Variants in ANO2 observed in about 807,000 individuals in gnomAD.
ANO2 encodes anoctamin 2.
ANO2 carries 101 observed loss-of-function variants against 124.2 expected under a neutral mutation model. The ratio of observed to expected loss-of-function variants is 0.81; its 90% CI spans 0.69 to 0.96. ANO2 has a LOEUF of 0.96. Among genes scored for constraint, ANO2 ranks in the 40% least tolerant of loss-of-function variants. The probability of loss-of-function intolerance (pLI) is 0.00; values close to 1 mark genes in which losing one functional copy is unlikely to be tolerated. For synonymous variants in ANO2, 486 were observed against 482.5 expected (o/e 1.01, Z -0.09); for missense variants, 1,293 against 1,274.5 (o/e 1.01, Z -0.22).
chr12:5,752,165 A>C (rs1244729202), intron 10 of ANO2, among the ~76,000 whole-genome samples: 1 of 152,246 alleles, frequency 6.6e-6, no homozygotes, highest in East Asian at 1.9e-4. Flanking sequence ...ATTGTGAATA[A>C]TGCTGCTATG....
intron 15 of ANO2, among the ~76,000 whole-genome samples, chr12:5,640,652 A>G (rs1233689224): frequency 6.6e-6 from 1 of 152,260 alleles, no homozygotes; most frequent in Non-Finnish European, 1.5e-5. Context: ...CATCAGAGAA[A>G]TGCAAATCAA....
intron 4 of ANO2, among the ~76,000 whole-genome samples, chr12:5,840,736 C>G (rs1351119527): frequency 6.6e-6 from 1 of 152,182 alleles, no homozygotes; most frequent in Non-Finnish European, 1.5e-5. Flanking sequence ...AAGAACAGAA[C>G]GTGTGCTGCA....
At chr12:5,733,007 T>C in intron 13 of ANO2, 1 of 1,050,040 alleles carries the variant, frequency 9.5e-7, no homozygotes, top group Admixed American at 1.9e-5. Flanking sequence ...TCCCACCAAC[T>C]ATCGTCAGAC....
chr12:5,923,936 TAAAA>T (rs753383530), intron 1 of ANO2, among the ~76,000 whole-genome samples: 9 of 152,170 alleles, frequency 5.9e-5, no homozygotes, highest in Non-Finnish European at 1.2e-4. Context: ...TCTCTAGCTG[TAAAA>T]TGAGAATCTC....
At chr12:5,732,931 G>A (rs1950705766) in intron 13 of ANO2, 1 of 1,607,592 alleles carries the variant, frequency 6.2e-7, no homozygotes, top group Admixed American at 1.7e-5. Flanking sequence ...CTGGATGGCT[G>A]ATACGAAGAG....
Position 5,641,446 on chromosome 12 carries a change from A to T in ANO2, c.1621-6099T>A, listed in dbSNP as rs1015246362. Among the ~76,000 whole-genome samples, 6 of 152,354 alleles carry T rather than the reference A, an allele frequency of 3.9e-5. No homozygotes were observed. The South Asian group carries it at 1.2e-3, about 32-fold the overall frequency. On this transcript the variant is annotated intron_variant, in intron 15 of 24. Coordinates refer to ENST00000682330, the MANE Select transcript of ANO2 (RefSeq NM_001364791.2). ...TGGGAAAAAGAAACGGGGACAAGTTAGTGCCAAATAAGGATTTTAAAAAAT... is the reference window on the plus strand; with the variant it reads ...TGGGAAAAAGAAACGGGGACAAGTTTGTGCCAAATAAGGATTTTAAAAAAT...
intron 14 of ANO2, among the ~76,000 whole-genome samples, chr12:5,685,984 A>G (rs1034674191): frequency 1.3e-5 from 2 of 152,178 alleles, no homozygotes; most frequent in African/African-American, 4.8e-5. Context: ...AGAAGAGAGC[A>G]TTCTCTTAAA....
rs532119175 is a variant in ANO2 at position 5,744,367 on chromosome 12, C to T, written c.1191-50G>A. ...TCAGGTGGAGCTCAAGCATGGTCCA[C>T]TCCAAGAAAAATACATCCCCCAAAT... On this transcript the variant is annotated intron_variant, in intron 11 of 24. Coordinates refer to ENST00000682330, the MANE Select transcript of ANO2 (RefSeq NM_001364791.2). The T allele has an allele frequency of 4.8e-5, 77 of 1,601,224 alleles. No homozygotes were observed. The South Asian group carries it at 8.4e-4, about 18-fold the overall frequency.
intron 6 of ANO2, among the ~76,000 whole-genome samples, chr12:5,829,379 A>G (rs745914763): frequency 4.6e-5 from 7 of 152,176 alleles, no homozygotes; most frequent in Non-Finnish European, 1.0e-4. Context: ...ATCTATGCCC[A>G]TTTTAACTCT....
intron 1 of ANO2, among the ~76,000 whole-genome samples, chr12:5,939,767 T>C (rs1565798285): frequency 6.6e-6 from 1 of 152,220 alleles, no homozygotes. Flanking sequence ...CATGTCACTG[T>C]TCAGATTCCT....
In ANO2 at chr12:5,896,464, T is replaced by C. The variant is rs935197713; in HGVS notation, c.534+24576A>G. 2.6e-5 allele frequency among the ~76,000 whole-genome samples: 4 copies of C among 152,182 alleles called. 1 individual carries two copies. Among genetic ancestry groups the C allele is most frequent in the Non-Finnish European group, 2.9e-5 (2 of 68,016 alleles). On this transcript the variant is annotated intron_variant, in intron 3 of 24. Transcript: ENST00000682330. ...TAAAATCCTGATTAGTATTCACTTA[T>C]AACATTGAAACTCCAGCTTTAATAC...
intron 14 of ANO2, among the ~76,000 whole-genome samples, chr12:5,661,930 G>C (rs1220142351): frequency 6.6e-6 from 1 of 152,208 alleles, no homozygotes; most frequent in Non-Finnish European, 1.5e-5. Flanking sequence ...CAAGCTTGGA[G>C]ACAATTCCCT....
intron 14 of ANO2, among the ~76,000 whole-genome samples, chr12:5,719,791 G>A (rs1252852476): frequency 6.6e-6 from 1 of 152,158 alleles, no homozygotes; most frequent in Non-Finnish European, 1.5e-5. Context: ...TAAAGTGCAC[G>A]TTCTGAATCA....
chr12:5,579,148 G>A (rs183085838), intron 20 of ANO2, among the ~76,000 whole-genome samples: 7 of 152,118 alleles, frequency 4.6e-5, no homozygotes, highest in Non-Finnish European at 8.8e-5. Flanking sequence ...CATCCATCAC[G>A]CATTTATGGA....
rs184200221 is a variant in ANO2, at chr12:5,659,754, T to C, written c.1546-11953A>G. ...CTCCCCAGAGAGCTTGCAGCTCCACTTTCTTTTTCTCAGCTCGCTGCCTCG... is the reference window on the plus strand; with the variant it reads ...CTCCCCAGAGAGCTTGCAGCTCCACCTTCTTTTTCTCAGCTCGCTGCCTCG... On this transcript the variant is annotated intron_variant, in intron 14 of 24. Coordinates refer to ENST00000682330, the MANE Select transcript of ANO2 (RefSeq NM_001364791.2). 4.7e-3 allele frequency among the ~76,000 whole-genome samples: 716 copies of C among 152,204 alleles called. 6 individuals are homozygous for C. The highest frequency in any genetic ancestry group is 0.016 in the African/African-American group (657 of 41,560).
intron 14 of ANO2, among the ~76,000 whole-genome samples, chr12:5,662,126 A>G (rs529610499): frequency 6.6e-6 from 1 of 152,370 alleles, no homozygotes; most frequent in South Asian, 2.1e-4. Flanking sequence ...GCAGTTGTTC[A>G]GGGAGTAAGA....
chr12:5,821,360 T>G (rs2137199401), intron 7 of ANO2, among the ~76,000 whole-genome samples: 1 of 152,344 alleles, frequency 6.6e-6, no homozygotes, highest in South Asian at 2.1e-4. Flanking sequence ...TATTTGGATT[T>G]TGGAGGCAAC....
At chr12:5,841,615 A>T (rs912181208) in intron 4 of ANO2, among the ~76,000 whole-genome samples, 5 of 151,874 alleles carry the variant, frequency 3.3e-5, no homozygotes, top group African/African-American at 1.2e-4. Flanking sequence ...AGCTGCTCCC[A>T]CCCTGGCTCC....
chr12:5,693,716 G>A (rs1949040422), intron 14 of ANO2, among the ~76,000 whole-genome samples: 1 of 152,220 alleles, frequency 6.6e-6, no homozygotes, highest in Non-Finnish European at 1.5e-5. Context: ...CTCAAGGCTG[G>A]TCCGGCCACA....
Sources: gnomAD v4.1 joint callset for allele counts (sites outside exome capture counted in the v4.1 genomes callset) on GRCh38, gnomAD v4.1.1 for gene constraint, MANE v1.5 for transcripts, NCBI Gene and HGNC (gene_info 2026-07-23, HGNC 2026-07-21) for gene names.